CCNY: variants seen among roughly 807,000 people sequenced by gnomAD.
CCNY encodes the protein cyclin-Y.
In CCNY, 19 loss-of-function variants were observed where a neutral mutation model predicts 42.8. The observed-to-expected ratio is 0.44, with a 90% CI of 0.31 to 0.65. The LOEUF is 0.65. CCNY is among the 30% of genes least tolerant of loss of function. The pLI, the probability that CCNY is intolerant of heterozygous loss-of-function variation, is 0.07. For synonymous variants in CCNY, 165 were observed against 162.7 expected (o/e 1.01, Z -0.11); for missense variants, 370 against 437.3 (o/e 0.85, Z 1.37).
chr10:35,408,301 CAT>C (rs1417599763), intron 1 of CCNY, among the ~76,000 whole-genome samples: 1 of 152,156 alleles, frequency 6.6e-6, no homozygotes, highest in African/African-American at 2.4e-5. Flanking sequence ...AAATGTCTCA[CAT>C]GTGCATGTGA....
chr10:35,485,740 CA>C lies in CCNY; in HGVS notation c.229+2274del, dbSNP rs78533663. Among the ~76,000 whole-genome samples, 713 of 114,496 alleles carry C rather than the reference CA, an allele frequency of 6.2e-3. 1 individual carries two copies. The highest frequency in any genetic ancestry group is 0.012 in the African/African-American group (366 of 30,326). 75.1% of individuals were successfully genotyped at this position (114,496 alleles called of 152,430 possible). On this transcript the variant is annotated intron_variant, in intron 2 of 9. Coordinates refer to ENST00000374704, the MANE Select transcript of CCNY (RefSeq NM_145012.6). ...ACTCCGTCTCAAAAAAAAAAAAAAACAAAAAAAAAAAACACGTAGATTTGGT... is the reference window on the plus strand; with the variant it reads ...ACTCCGTCTCAAAAAAAAAAAAAAACAAAAAAAAAAACACGTAGATTTGGT...
intron 1 of CCNY, among the ~76,000 whole-genome samples, chr10:35,412,973 C>G: frequency 6.6e-6 from 1 of 150,678 alleles, no homozygotes; most frequent in Admixed American, 6.6e-5. Context: ...AAATAGTGGA[C>G]TGCTTCCTGG....
chr10:35,477,585 C>T (rs1338037363), intron 1 of CCNY, among the ~76,000 whole-genome samples: 9 of 152,032 alleles, frequency 5.9e-5, no homozygotes, highest in African/African-American at 2.2e-4. Context: ...CAAAATTCAA[C>T]AACCCTTCAT....
rs144072862 is a variant in CCNY at position 35,562,989 on chromosome 10, G to A, written c.747-3034G>A. Among the ~76,000 whole-genome samples the A allele has an allele frequency of 4.0e-3, 600 of 151,414 alleles. 1 individual carries two copies. Among genetic ancestry groups the A allele is most frequent in the African/African-American group, 0.013 (555 of 41,172 alleles). On this transcript the variant is annotated intron_variant, in intron 8 of 9. Coordinates refer to ENST00000374704, the MANE Select transcript of CCNY (RefSeq NM_145012.6). ...TTCTGAAATGTGGTTTTTGTTGGTCGACTTGAATATATTTCTTACAACGTT... is the reference window on the plus strand; with the variant it reads ...TTCTGAAATGTGGTTTTTGTTGGTCAACTTGAATATATTTCTTACAACGTT...
rs76825917 is a variant in CCNY, at chr10:35,276,727, G to T, written c.-9+26101G>T. On this transcript the variant is annotated intron_variant, in intron 3 of 11. Transcript: ENST00000374706. ...ACAGTATCCCCTTTCATCAGCCCTG[G>T]CCTGCAGGGAACAGTCACTATGGAA... Among the ~76,000 whole-genome samples, 1,457 of 152,314 alleles carry T rather than the reference G, an allele frequency of 9.6e-3. 11 individuals are homozygous for T. Among genetic ancestry groups the T allele is most frequent in the Non-Finnish European group, 0.017 (1,145 of 68,028 alleles).
intron 3 of CCNY, 167 bp downstream of exon 3, chr10:35,501,702 A>T (rs1334834761): frequency 3.2e-6 from 2 of 624,742 alleles, no homozygotes; most frequent in Admixed American, 4.9e-5. Flanking sequence ...AGCATCACTC[A>T]GTATTTGTCC....
intron 1 of CCNY, among the ~76,000 whole-genome samples, chr10:35,472,192 T>A (rs2135347078): frequency 6.6e-6 from 1 of 152,330 alleles, no homozygotes; most frequent in East Asian, 1.9e-4. Flanking sequence ...GTCATAGCAG[T>A]TCTCGAAGCT....
chr10:35,482,550 G>C (rs1485184709), intron 1 of CCNY, among the ~76,000 whole-genome samples: 1 of 152,174 alleles, frequency 6.6e-6, no homozygotes, highest in East Asian at 1.9e-4. Context: ...AGAGTTCTAA[G>C]ATTGCAAAAT....
intron 1 of CCNY, among the ~76,000 whole-genome samples, chr10:35,441,098 C>T (rs1174154823): frequency 6.6e-6 from 1 of 152,112 alleles, no homozygotes; most frequent in African/African-American, 2.4e-5. Context: ...GGAAGAGTCC[C>T]ATAAGGAGCT....
intron 3 of CCNY, among the ~76,000 whole-genome samples, chr10:35,331,358 AAAG>A (rs1835941398): frequency 6.6e-6 from 1 of 152,220 alleles, no homozygotes. Flanking sequence ...ATGGAAGGAT[AAAG>A]AAGGTAGAGT....
chr10:35,463,640 C>T (rs1839200511), intron 1 of CCNY, among the ~76,000 whole-genome samples: 1 of 152,082 alleles, frequency 6.6e-6, no homozygotes. Flanking sequence ...AACTGTCAGG[C>T]AGAACTTTAA....
chr10:35,302,721 C>T (rs1015368532), intron 3 of CCNY, among the ~76,000 whole-genome samples: 12 of 152,150 alleles, frequency 7.9e-5, no homozygotes, highest in Admixed American at 2.6e-4. Flanking sequence ...ACAATTCAAT[C>T]TACATCATAG....
At position 35,336,900 on chromosome 10, in the gene CCNY, AC is replaced by A; in HGVS notation, c.-151del. The A allele has an allele frequency of 4.9e-6, 1 of 205,282 alleles. No homozygotes were observed. The highest frequency in any genetic ancestry group is 6.4e-6 in the Non-Finnish European group (1 of 157,144). The allele number at this position is 205,282 out of a possible 1,614,324, so 12.7% of individuals were successfully genotyped here. A position where few individuals can be genotyped will look rare whatever the true frequency, so the allele number is the denominator to read the frequency against. Reference sequence around the variant, plus strand: ...GGCCCCGCCGCCGCCGCCGCTGCTGACCCGGCGGCCGGCCGCCGTTCCGCCC... The same window carrying A: ...GGCCCCGCCGCCGCCGCCGCTGCTGACCGGCGGCCGGCCGCCGTTCCGCCC... On this transcript the variant is annotated 5_prime_UTR_variant, in exon 1 of 10. Transcript: ENST00000374704.
Position 35,553,133 on chromosome 10 carries a change from G to A in CCNY, c.694G>A (p.Val232Ile). ...LASKVWDDQA[V>I]WNVDYCQILK... ...CTCCAAGGTGTGGGATGACCAGGCT[G>A]TATGGAATGTGGATTACTGCCAGAT... The change falls in exon 8 of 10, where the codon GTA (valine) becomes ATA (isoleucine). Residue 232 changes from valine (V) to isoleucine (I), a missense_variant. Val to Ile is a conservative substitution (Grantham distance 29, BLOSUM62 3). Coordinates refer to ENST00000374704, the MANE Select transcript of CCNY (RefSeq NM_145012.6). 6.2e-7 allele frequency: 1 copy of A among 1,614,248 alleles called. No homozygotes were observed. Among genetic ancestry groups the A allele is most frequent in the Non-Finnish European group, 8.5e-7 (1 of 1,180,046 alleles).
At chr10:35,256,410 T>A (rs2095715518) in intron 3 of CCNY, among the ~76,000 whole-genome samples, 1 of 152,162 alleles carries the variant, frequency 6.6e-6, no homozygotes, top group South Asian at 2.1e-4. Context: ...CCTAAAGTTA[T>A]AAAATTCTAA....
At chr10:35,290,328 C>T (rs565613331) in intron 3 of CCNY, among the ~76,000 whole-genome samples, 11 of 149,172 alleles carry the variant, frequency 7.4e-5, no homozygotes, top group Admixed American at 3.4e-4. Context: ...GAGGCATGGA[C>T]TCACTTGAGC....
intron 8 of CCNY, among the ~76,000 whole-genome samples, chr10:35,562,847 CA>C (rs1235704930): frequency 2.0e-5 from 3 of 148,708 alleles, no homozygotes; most frequent in Non-Finnish European, 4.4e-5. Flanking sequence ...GAAAAGTAGG[CA>C]GCATATTAGA....
At chr10:35,547,365 G>A (rs943605694) in intron 7 of CCNY, among the ~76,000 whole-genome samples, 2 of 152,092 alleles carry the variant, frequency 1.3e-5, no homozygotes, top group Non-Finnish European at 2.9e-5. Flanking sequence ...AAATGCTATT[G>A]TTGAGTGAAG....
chr10:35,318,870 C>T (rs1835790911), intron 3 of CCNY, among the ~76,000 whole-genome samples: 1 of 152,148 alleles, frequency 6.6e-6, no homozygotes, highest in South Asian at 2.1e-4. Flanking sequence ...CCCTCCCCTC[C>T]CCTTCCCTTG....
Sources: allele counts gnomAD v4.1 joint callset (sites outside exome capture counted in the v4.1 genomes callset), GRCh38; gene constraint gnomAD v4.1.1; transcripts MANE v1.5; gene names NCBI Gene and HGNC (gene_info 2026-07-23, HGNC 2026-07-21).